Variants in MSN observed in about 807,000 individuals in gnomAD.
MSN encodes epididymis luminal protein 70.
In MSN, 2 loss-of-function variants were observed where a neutral mutation model predicts 48.0. The observed-to-expected ratio is 0.04, with a 90% CI of 0.02 to 0.13. MSN has a LOEUF of 0.13. Ranked by LOEUF, MSN falls within the 10% of genes least tolerant of loss-of-function variation. MSN has a pLI of 1.00. For missense variants in MSN, 267 were observed against 470.1 expected (o/e 0.57, Z 3.99); for synonymous variants, 146 against 166.9 (o/e 0.87, Z 0.97).
intron 1 of MSN, among the ~76,000 whole-genome samples, chrX:65,637,967 A>G (rs1438882219): frequency 8.9e-6 from 1 of 111,816 alleles, no homozygotes; most frequent in African/African-American, 3.3e-5. Context: ...TTACTTGTTT[A>G]TTGCCCGTCT....
At chrX:65,630,759 C>T (rs753897652) in intron 1 of MSN, among the ~76,000 whole-genome samples, 1 of 111,835 alleles carries the variant, frequency 8.9e-6, no homozygotes, top group South Asian at 3.7e-4. Context: ...TGAAATCATA[C>T]ATTTTGTGGT....
chrX:65,726,245 A>G (rs756297428), intron 2 of MSN, among the ~76,000 whole-genome samples: 3 of 111,745 alleles, frequency 2.7e-5, no homozygotes, highest in Non-Finnish European at 3.8e-5. Flanking sequence ...TAATCACTTG[A>G]GAAGCTCAGG....
intron 1 of MSN, among the ~76,000 whole-genome samples, chrX:65,620,836 C>A (rs1004907496): frequency 9.3e-6 from 1 of 107,598 alleles, no homozygotes; most frequent in African/African-American, 3.4e-5. Flanking sequence ...TCCAAGGATC[C>A]ATTGTCAAAT....
intron 1 of MSN, among the ~76,000 whole-genome samples, chrX:65,648,925 A>T (rs1211470494): frequency 9.1e-6 from 1 of 110,016 alleles, no homozygotes; most frequent in Non-Finnish European, 1.9e-5. Flanking sequence ...AATAAAATAA[A>T]ATAAAAAAGA....
At chrX:65,632,674 CTT>C (rs1281632465) in intron 1 of MSN, among the ~76,000 whole-genome samples, 1 of 111,476 alleles carries the variant, frequency 9.0e-6, no homozygotes, top group African/African-American at 3.3e-5. Flanking sequence ...AGTGATGTCT[CTT>C]TGTATGACTT....
intron 1 of MSN, among the ~76,000 whole-genome samples, chrX:65,688,865 T>A (rs142417362): frequency 4.2e-4 from 47 of 112,053 alleles, no homozygotes; most frequent in African/African-American, 1.5e-3. Flanking sequence ...CTAATTGTGC[T>A]TTCCACCTGG....
chrX:65,681,849 C>T (rs1242603473), intron 1 of MSN, among the ~76,000 whole-genome samples: 1 of 112,120 alleles, frequency 8.9e-6, no homozygotes, highest in Non-Finnish European at 1.9e-5. Flanking sequence ...CCAATCAAGC[C>T]TCTGAACCCA....
chrX:65,664,369 A>G (rs951512406), upstream of MSN, among the ~76,000 whole-genome samples: 3 of 111,882 alleles, frequency 2.7e-5, no homozygotes, highest in Non-Finnish European at 5.6e-5. Context: ...AATGAGTACT[A>G]TGCTCACTAC....
At chrX:65,734,231 G>C (rs2071652854) in intron 7 of MSN, among the ~76,000 whole-genome samples, 1 of 111,648 alleles carries the variant, frequency 9.0e-6, no homozygotes, top group Admixed American at 9.5e-5. Context: ...CTGGGATACT[G>C]CATGTCCAAC....
At chrX:65,685,067 C>T (rs1410118903) in intron 1 of MSN, among the ~76,000 whole-genome samples, 1 of 112,185 alleles carries the variant, frequency 8.9e-6, no homozygotes, top group Non-Finnish European at 1.9e-5. Flanking sequence ...AAAATCTACA[C>T]AAATAAAGGG....
At chrX:65,667,956 A>C (rs1015443085) in intron 1 of MSN, 103 bp downstream of exon 1, 3 of 938,877 alleles carry the variant, frequency 3.2e-6, no homozygotes, top group Non-Finnish European at 4.5e-6. Context: ...CCCGCCTGGG[A>C]CGCCGCGCCC....
Position 65,699,791 on chromosome X carries a change from C to T in MSN, c.13-17027C>T, listed in dbSNP as rs142961579. ...AAAAAGACAAATGATAATAGGCAAG[C>T]CTTTGGAAGGACCTTTGTGTAGCCT... is the stretch of plus-strand genomic sequence containing the variant. On this transcript the variant is annotated intron_variant, in intron 1 of 12. Transcript: ENST00000360270. Among the ~76,000 whole-genome samples the T allele has an allele frequency of 7.0e-3, 751 of 107,859 alleles. 9 individuals carry two copies. Among genetic ancestry groups the T allele is most frequent in the African/African-American group, 0.023 (671 of 29,641 alleles). The allele number at this position is 107,859 out of a possible 115,157, so 93.7% of individuals were successfully genotyped here. A position where few individuals can be genotyped will look rare whatever the true frequency, so the allele number is the denominator to read the frequency against.
chrX:65,588,817 C>G (rs773804228), intron 1 of MSN: 1 of 144,120 alleles, frequency 6.9e-6, no homozygotes, highest in African/African-American at 3.2e-5. Context: ...TCCTCTTGCC[C>G]TCTCTCCCTC....
chrX:65,606,328 C>T (rs1434342438), intron 1 of MSN, among the ~76,000 whole-genome samples: 3 of 108,044 alleles, frequency 2.8e-5, no homozygotes, highest in Non-Finnish European at 5.7e-5. Context: ...GGGGTTTCAC[C>T]ATCTTGGCCA....
chrX:65,645,205 G>T (rs886842179), intron 1 of MSN, among the ~76,000 whole-genome samples: 8 of 111,759 alleles, frequency 7.2e-5, no homozygotes, highest in African/African-American at 2.6e-4. Context: ...TTCCCAGGCT[G>T]CTCTGAGCCT....
intron 1 of MSN, among the ~76,000 whole-genome samples, chrX:65,704,667 G>GTT (rs11411773): frequency 4.8e-5 from 5 of 105,056 alleles, no homozygotes; most frequent in African/African-American, 1.7e-4. Context: ...CCTCCACATA[G>GTT]TTTTTTTTTT....
intron 1 of MSN, among the ~76,000 whole-genome samples, chrX:65,610,692 T>G (rs1337856980): frequency 8.9e-6 from 1 of 112,408 alleles, no homozygotes; most frequent in Non-Finnish European, 1.9e-5. Context: ...CTGCTTCCCA[T>G]AGCATCTGCA....
intron 1 of MSN, among the ~76,000 whole-genome samples, chrX:65,620,569 G>T (rs924409802): frequency 5.3e-5 from 6 of 112,894 alleles, no homozygotes; most frequent in African/African-American, 9.6e-5. Context: ...GCTTCGGGTC[G>T]CGCACGGTGC....
At chrX:65,733,062 A>T (rs994809034) in intron 6 of MSN, 122 bp from the exon 7 acceptor site, 170 of 409,510 alleles carry the variant, frequency 4.2e-4, no homozygotes, top group Middle Eastern at 7.2e-4. Context: ...ATTTATTTTA[A>T]AAAAAAAAAA....
Sources: gnomAD v4.1 joint callset for allele counts (sites outside exome capture counted in the v4.1 genomes callset) on GRCh38, gnomAD v4.1.1 for gene constraint, MANE v1.5 for transcripts, NCBI Gene and HGNC (gene_info 2026-07-23, HGNC 2026-07-21) for gene names.